The following JAKMIP3 variants were observed in gnomAD, a reference collection of about 807,000 sequenced individuals.
JAKMIP3 encodes the protein Janus kinase and microtubule interacting protein 3.
Under a neutral mutation model 118.5 loss-of-function variants are expected in JAKMIP3, and 58 were observed. The ratio of observed to expected loss-of-function variants is 0.49; its 90% CI spans 0.40 to 0.61. The LOEUF (loss-of-function observed/expected upper bound fraction) is 0.61. Ranked by LOEUF, JAKMIP3 falls within the 20% of genes least tolerant of loss-of-function variation. The pLI, the probability that JAKMIP3 is intolerant of heterozygous loss-of-function variation, is 0.00. For missense variants in JAKMIP3, 950 were observed against 1,109.0 expected, an observed-to-expected ratio of 0.86 and a Z score of 2.04; for synonymous variants, 486 against 451.2, an observed-to-expected ratio of 1.08 and a Z score of -0.98.
chr10:132,158,717 G>C (rs1183569889), intron 19 of JAKMIP3, among the ~76,000 whole-genome samples: 2 of 72,646 alleles, frequency 2.8e-5, no homozygotes, highest in Non-Finnish European at 5.5e-5. Context: ...TGTGGGAGGG[G>C]CATCTTCCTG....
chr10:132,096,945 A>G (rs1263596109), intron 1 of JAKMIP3, among the ~76,000 whole-genome samples: 3 of 152,222 alleles, frequency 2.0e-5, no homozygotes, highest in African/African-American at 2.4e-5. Flanking sequence ...TGCTTCCTCC[A>G]GCCACAGAAC....
At chr10:132,065,014 C>G (rs919366347), upstream of JAKMIP3, among the ~76,000 whole-genome samples, 1 of 152,166 alleles carries the variant, frequency 6.6e-6, no homozygotes, top group Non-Finnish European at 1.5e-5. This position sits in a 1 kb window ranked among gnomAD's most constrained non-coding sequence, Gnocchi z 5.6. Flanking sequence ...TCCTCCCAGG[C>G]TGACCCCCAG....
chr10:132,139,374 GTGAGTATGTGAGTGTA>G (rs1433707529), intron 9 of JAKMIP3, among the ~76,000 whole-genome samples: 4 of 17,906 alleles, frequency 2.2e-4, no homozygotes, highest in Admixed American at 9.6e-4. Flanking sequence ...CTGTACGTGT[GTGAGTATGTGAGTGTA>G]TGAGTATGTG....
intron 23 of JAKMIP3, among the ~76,000 whole-genome samples, chr10:132,172,725 CCT>C (rs1409363592): frequency 2.0e-5 from 3 of 151,930 alleles, no homozygotes; most frequent in Non-Finnish European, 4.4e-5. Flanking sequence ...GCACTCTCTT[CCT>C]CTCTGTCCCC....
Position 132,176,189 on chromosome 10 carries a change from G to A in JAKMIP3, c.*1104-6168G>A, listed in dbSNP as rs1004192748. Among the ~76,000 whole-genome samples, 5 of 152,370 alleles carry A rather than the reference G, an allele frequency of 3.3e-5. No individual in the cohort carries two copies. In the East Asian group the frequency reaches 7.7e-4, roughly 24 times the overall value. On this transcript the variant is annotated intron_variant, in intron 23 of 23. Transcript: ENST00000684848. ...CAGGGCTCCAGCCGCAAGAGGGAAC[G>A]GGGAGGGACTCTGCCCTGGGCTCAG...
chr10:132,135,305 C>A, intron 5 of JAKMIP3, 145 bp downstream of exon 5: 1 of 831,390 alleles, frequency 1.2e-6, no homozygotes, highest in Non-Finnish European at 1.8e-6. Context: ...TGACTGTGTT[C>A]CAGTTGAACT....
At chr10:132,166,049 C>T (rs943974244) in intron 21 of JAKMIP3, among the ~76,000 whole-genome samples, 1 of 152,170 alleles carries the variant, frequency 6.6e-6, no homozygotes, top group Non-Finnish European at 1.5e-5. Context: ...GAGGGCTAGG[C>T]GTGGTGGCTC....
At chr10:132,036,532 C>A (rs1168379524), upstream of JAKMIP3, among the ~76,000 whole-genome samples, 1 of 152,022 alleles carries the variant, frequency 6.6e-6, no homozygotes, top group Non-Finnish European at 1.5e-5. Context: ...CCGCGGAGAC[C>A]GGGACTGCGT....
At chr10:132,181,247 T>G (rs1320835757) in intron 23 of JAKMIP3, 2 of 152,136 alleles carry the variant, frequency 1.3e-5, no homozygotes, top group East Asian at 1.9e-4. Context: ...TTCCTTTAAT[T>G]TGGGGAGTGA....
chr10:132,059,098 A>C (rs1589725879), intron 1 of JAKMIP3, among the ~76,000 whole-genome samples: 1 of 152,328 alleles, frequency 6.6e-6, no homozygotes, highest in East Asian at 1.9e-4. Flanking sequence ...GCGACCCAGG[A>C]TGCTGTCTCC....
chr10:132,093,866 C>T (rs1479990559), intron 1 of JAKMIP3, among the ~76,000 whole-genome samples: 3 of 151,848 alleles, frequency 2.0e-5, no homozygotes, highest in Non-Finnish European at 4.4e-5. Flanking sequence ...TGTTCCTATT[C>T]AGCATCTTCT....
upstream of JAKMIP3, among the ~76,000 whole-genome samples, chr10:132,060,097 A>T (rs1347123342): frequency 6.6e-6 from 1 of 152,192 alleles, no homozygotes; most frequent in Non-Finnish European, 1.5e-5. Context: ...TGGACCCTCG[A>T]TGCACTGAGC....
intron 1 of JAKMIP3, among the ~76,000 whole-genome samples, chr10:132,095,573 G>T (rs2043740696): frequency 2.0e-5 from 3 of 152,190 alleles, no homozygotes; most frequent in Admixed American, 2.0e-4. Context: ...TGTCTCCCAG[G>T]TCCTGCAGGA....
rs1166140461 is a variant in JAKMIP3 at position 132,180,656 on chromosome 10, TGCGTGTGTGCGTGTGTGTGCGC to T, written c.*1104-1697_*1104-1676del. On this transcript the variant is annotated intron_variant, in intron 23 of 23. Transcript: ENST00000684848. ...GTGCGTGCGTGTGTGCGTGTGCGTG[TGCGTGTGTGCGTGTGTGTGCGC>T]GCGCGTGTGTGTGCGTGCGTGTGTG... 1.2e-4 allele frequency among the ~76,000 whole-genome samples: 2 copies of T among 16,338 alleles called. 1 individual carries two copies. The allele number at this position is 16,338 out of a possible 152,430, so 10.7% of individuals were successfully genotyped here.
At chr10:132,082,027 C>T (rs2041835647) in intron 1 of JAKMIP3, among the ~76,000 whole-genome samples, 1 of 151,532 alleles carries the variant, frequency 6.6e-6, no homozygotes, top group Non-Finnish European at 1.5e-5. Context: ...GTCGGCTTTA[C>T]CCTCCTCATT....
upstream of JAKMIP3, among the ~76,000 whole-genome samples, chr10:132,064,780 A>G (rs2038579077): frequency 6.6e-6 from 1 of 152,162 alleles, no homozygotes; most frequent in African/African-American, 2.4e-5. The surrounding 1 kb of genome is among the most constrained non-coding windows in gnomAD (Gnocchi z 4.4). Context: ...AGATCTAGAC[A>G]GACAGCAGAA....
At chr10:132,129,567 G>A (rs1177641386) in intron 3 of JAKMIP3, among the ~76,000 whole-genome samples, 2 of 152,222 alleles carry the variant, frequency 1.3e-5, no homozygotes, top group African/African-American at 4.8e-5. Flanking sequence ...GGCCTCTGCA[G>A]CTCGGGCTCT....
chr10:132,059,879 G>A (rs78380954), upstream of JAKMIP3, among the ~76,000 whole-genome samples: 95 of 152,336 alleles, frequency 6.2e-4, 1 homozygote, highest in East Asian at 0.018. Context: ...AAAGAGGGAG[G>A]GAGGATGGGG....
intron 3 of JAKMIP3, among the ~76,000 whole-genome samples, chr10:132,121,348 G>C (rs571281172): frequency 6.6e-6 from 1 of 152,158 alleles, no homozygotes; most frequent in African/African-American, 2.4e-5. Context: ...TTCTCCCAAC[G>C]AGAGACAGCT....
Sources: allele counts gnomAD v4.1 joint callset (sites outside exome capture counted in the v4.1 genomes callset), GRCh38; gene constraint gnomAD v4.1.1; non-coding constraint Gnocchi (gnomAD v3.1); transcripts MANE v1.5; gene names NCBI Gene and HGNC (gene_info 2026-07-23, HGNC 2026-07-21).